The following SEM1 variants were observed in gnomAD, a reference collection of about 807,000 sequenced individuals.
SEM1 encodes SEM1 26S proteasome subunit, also known as 26S proteasome complex subunit SEM1.
Under a neutral mutation model 12.7 loss-of-function variants are expected in SEM1, and 3 were observed. The ratio of observed to expected loss-of-function variants is 0.24; its 90% CI spans 0.11 to 0.61. The LOEUF (loss-of-function observed/expected upper bound fraction) is 0.61. SEM1 is among the 20% of genes least tolerant of loss of function. The pLI, the probability that SEM1 is intolerant of heterozygous loss-of-function variation, is 0.88. For synonymous variants in SEM1, 30 were observed against 27.8 expected (o/e 1.08, Z -0.25); for missense variants, 59 against 81.3 (o/e 0.73, Z 1.06).
chr7:96,550,823 A>C (rs759243947), intron 2 of SEM1, among the ~76,000 whole-genome samples: 1 of 152,198 alleles, frequency 6.6e-6, no homozygotes, highest in Non-Finnish European at 1.5e-5. Context: ...GAAAAATATT[A>C]AGAATGATTG....
intron 2 of SEM1, among the ~76,000 whole-genome samples, chr7:96,634,369 G>C (rs1209145785): frequency 1.3e-5 from 2 of 151,882 alleles, no homozygotes; most frequent in Non-Finnish European, 2.9e-5. Context: ...CATTAGAACA[G>C]AAAATAAGAA....
chr7:96,596,582 A>G (rs1172789555), intron 2 of SEM1, among the ~76,000 whole-genome samples: 1 of 152,174 alleles, frequency 6.6e-6, no homozygotes, highest in African/African-American at 2.4e-5. Flanking sequence ...CTCCAAATTA[A>G]AAGTGGTTAC....
intron 2 of SEM1, among the ~76,000 whole-genome samples, chr7:96,518,732 C>A (rs1043273100): frequency 1.3e-5 from 2 of 152,114 alleles, no homozygotes; most frequent in Non-Finnish European, 2.9e-5. Flanking sequence ...TATCTCTTTG[C>A]GAATTATTCA....
At chr7:96,544,404 C>T (rs1372487130) in intron 2 of SEM1, among the ~76,000 whole-genome samples, 1 of 151,930 alleles carries the variant, frequency 6.6e-6, no homozygotes, top group Non-Finnish European at 1.5e-5. Context: ...ATCAGATGAA[C>T]ATAATATAAT....
At chr7:96,708,972 C>A (rs1790558326) in intron 1 of SEM1, among the ~76,000 whole-genome samples, 1 of 152,038 alleles carries the variant, frequency 6.6e-6, no homozygotes, top group East Asian at 1.9e-4. Flanking sequence ...GGTTTAGGTT[C>A]TTTTAAAAAA....
chr7:96,656,667 A>G (rs557878004), intron 2 of SEM1: 1 of 152,090 alleles, frequency 6.6e-6, no homozygotes, highest in East Asian at 1.9e-4. Context: ...GTACAACAAA[A>G]TCATCTACAT....
At chr7:96,660,087 G>A (rs1249036269) in intron 2 of SEM1, among the ~76,000 whole-genome samples, 1 of 151,966 alleles carries the variant, frequency 6.6e-6, no homozygotes, top group Non-Finnish European at 1.5e-5. Flanking sequence ...AGATAGTTGA[G>A]AATAAAAGGA....
chr7:96,501,640 G>GT (rs1803554646), intron 3 of SEM1, among the ~76,000 whole-genome samples: 1 of 152,142 alleles, frequency 6.6e-6, no homozygotes, highest in Non-Finnish European at 1.5e-5. Flanking sequence ...TGGATGTTTA[G>GT]TAAGTACATA....
chr7:96,632,777 G>GTTTTTTTTTTTTTTTT (rs1437758372), intron 2 of SEM1, among the ~76,000 whole-genome samples: 7 of 99,084 alleles, frequency 7.1e-5, no homozygotes, highest in African/African-American at 1.9e-4. Flanking sequence ...TTTTTTTGTT[G>GTTTTTTTTTTTTTTTT]TTTTTTGTTT....
At chr7:96,585,889 C>A (rs1462876568) in intron 2 of SEM1, among the ~76,000 whole-genome samples, 4 of 152,198 alleles carry the variant, frequency 2.6e-5, no homozygotes, top group African/African-American at 7.2e-5. Flanking sequence ...GTGAGATGAA[C>A]CCTGTACCTC....
At chr7:96,655,507 T>C (rs578169311) in intron 2 of SEM1, among the ~76,000 whole-genome samples, 3 of 151,356 alleles carry the variant, frequency 2.0e-5, no homozygotes, top group Non-Finnish European at 4.4e-5. Flanking sequence ...GGTCTCAATC[T>C]CTTGACCTCG....
chr7:96,615,086 T>C (rs1252000393), intron 2 of SEM1, among the ~76,000 whole-genome samples: 1 of 152,058 alleles, frequency 6.6e-6, no homozygotes, highest in Non-Finnish European at 1.5e-5. Flanking sequence ...CAGAATTGAG[T>C]ATTAACTAAG....
At chr7:96,585,261 G>T (rs1458598449) in intron 2 of SEM1, among the ~76,000 whole-genome samples, 1 of 152,200 alleles carries the variant, frequency 6.6e-6, no homozygotes, top group Admixed American at 6.5e-5. Flanking sequence ...GCTGGGGGGT[G>T]CCTCCCAGTT....
chr7:96,602,440 C>A (rs986854034), intron 2 of SEM1, among the ~76,000 whole-genome samples: 2 of 152,186 alleles, frequency 1.3e-5, no homozygotes, highest in African/African-American at 2.4e-5. Flanking sequence ...TAACCTGATC[C>A]ATTTAGACAG....
chr7:96,598,731 A>T (rs1382966199), intron 2 of SEM1, among the ~76,000 whole-genome samples: 1 of 152,080 alleles, frequency 6.6e-6, no homozygotes, highest in East Asian at 1.9e-4. Flanking sequence ...TGTCTTTTTG[A>T]CCACAGGCCC....
At chr7:96,564,663 A>G (rs1200342514) in intron 2 of SEM1, among the ~76,000 whole-genome samples, 1 of 151,958 alleles carries the variant, frequency 6.6e-6, no homozygotes, top group Non-Finnish European at 1.5e-5. Flanking sequence ...AAGGGACCCA[A>G]TTTCCTAAGT....
intron 2 of SEM1, among the ~76,000 whole-genome samples, chr7:96,611,646 T>C (rs1807544065): frequency 6.6e-6 from 1 of 152,130 alleles, no homozygotes; most frequent in African/African-American, 2.4e-5. Flanking sequence ...TAGAGATGAG[T>C]TTGATGAATA....
intron 2 of SEM1, among the ~76,000 whole-genome samples, chr7:96,585,254 G>T (rs555301585): frequency 5.9e-5 from 9 of 152,276 alleles, no homozygotes; most frequent in African/African-American, 1.4e-4. Context: ...TGCCCCTGCT[G>T]GGGGGTGCCT....
chr7:96,703,468 A>G (rs983434578), intron 1 of SEM1, among the ~76,000 whole-genome samples: 3 of 152,204 alleles, frequency 2.0e-5, no homozygotes, highest in Non-Finnish European at 4.4e-5. Flanking sequence ...AATAAAAATT[A>G]TATTATAAAA....
Sources: gnomAD v4.1 joint callset for allele counts (sites outside exome capture counted in the v4.1 genomes callset) on GRCh38, gnomAD v4.1.1 for gene constraint, MANE v1.5 for transcripts, NCBI Gene and HGNC (gene_info 2026-07-23, HGNC 2026-07-21) for gene names.